The following CNBD1 variants were observed in gnomAD, a reference collection of about 807,000 sequenced individuals.
CNBD1 encodes cyclic nucleotide binding domain containing 1, also known as cyclic nucleotide-binding domain-containing protein 1.
A neutral mutation model predicts 54.4 loss-of-function variants in CNBD1; 71 were observed. The observed-to-expected ratio is 1.30, with a 90% CI of 1.08 to 1.59. The LOEUF is 1.59. Among genes scored for constraint, CNBD1 ranks in the 40% most tolerant of loss-of-function variants. The pLI is 0.00. For synonymous variants in CNBD1, 182 were observed against 170.7 expected (o/e 1.07, Z -0.51); for missense variants, 659 against 518.0 (o/e 1.27, Z -2.64).
intron 2 of CNBD1, among the ~76,000 whole-genome samples, chr8:87,426,274 G>A (rs112458656): frequency 2.5e-4 from 38 of 152,278 alleles, no homozygotes; most frequent in African/African-American, 5.1e-4. Context: ...GAAATCACCC[G>A]TCTTCTGCGT....
At position 87,368,161 on chromosome 8, in the gene CNBD1, A is replaced by AAAAAGAAAAGAAAAGAAAAG. The variant is rs71277938; in HGVS notation, c.1303+14383_1303+14402dup. On this transcript the variant is annotated intron_variant, in intron 10 of 10. Coordinates refer to ENST00000518476, the MANE Select transcript of CNBD1 (RefSeq NM_173538.3). ...TGGGTGACAGAGCGAGATTCCATCTAAAAAGAAAAGAAAAGAAAAGAAAAG... is the reference window on the plus strand; with the variant it reads ...TGGGTGACAGAGCGAGATTCCATCTAAAAAGAAAAGAAAAGAAAAGAAAAGAAAAGAAAAGAAAAGAAAAG... 5.3e-3 allele frequency among the ~76,000 whole-genome samples: 783 copies of AAAAAGAAAAGAAAAGAAAAG among 148,230 alleles called. 11 individuals carry two copies. Among genetic ancestry groups the AAAAAGAAAAGAAAAGAAAAG allele is most frequent in the African/African-American group, 0.018 (729 of 40,270 alleles).
intron 5 of CNBD1, among the ~76,000 whole-genome samples, chr8:87,213,676 C>G (rs558767962): frequency 2.0e-5 from 3 of 152,186 alleles, no homozygotes; most frequent in South Asian, 4.2e-4. Context: ...GGTGGGGACA[C>G]AGTCAAACCA....
intron 2 of CNBD1, among the ~76,000 whole-genome samples, chr8:87,410,411 T>C (rs1169413449): frequency 6.6e-6 from 1 of 152,126 alleles, no homozygotes; most frequent in Non-Finnish European, 1.5e-5. Context: ...AAGAATGTGG[T>C]GATTCATGGG....
chr8:87,416,673 G>A (rs1374478771), intron 2 of CNBD1, among the ~76,000 whole-genome samples: 3 of 152,000 alleles, frequency 2.0e-5, no homozygotes, highest in Non-Finnish European at 4.4e-5. Flanking sequence ...CCAGTACAAA[G>A]CCTTTTTCCC....
rs542241725 is a variant in CNBD1 at position 87,388,178 on chromosome 8, A to G, written c.213+34392A>G. Among the ~76,000 whole-genome samples the G allele has an allele frequency of 6.6e-5, 10 of 152,306 alleles. No individual in the cohort carries two copies. In the East Asian group the frequency reaches 1.5e-3, roughly 24 times the overall value. ...AAAGATCTAAAATTGACACCCTAACATCACAATTAAAAGAACTAGAGAAGC... is the reference window on the plus strand; with the variant it reads ...AAAGATCTAAAATTGACACCCTAACGTCACAATTAAAAGAACTAGAGAAGC... On this transcript the variant is annotated intron_variant, in intron 2 of 7. Transcript: ENST00000521593.
intron 8 of CNBD1, among the ~76,000 whole-genome samples, chr8:87,295,569 A>G (rs1808862998): frequency 6.6e-6 from 1 of 152,108 alleles, no homozygotes; most frequent in South Asian, 2.1e-4. Context: ...CCATGAGTAG[A>G]TGGAGCTTTT....
intron 8 of CNBD1, among the ~76,000 whole-genome samples, chr8:87,307,606 C>T (rs1243183118): frequency 1.3e-5 from 2 of 151,928 alleles, no homozygotes; most frequent in Non-Finnish European, 2.9e-5. Flanking sequence ...GGCATGGAGG[C>T]ACATGCCTAT....
intron 4 of CNBD1, among the ~76,000 whole-genome samples, chr8:87,107,448 A>G (rs1433407042): frequency 6.6e-6 from 1 of 152,224 alleles, no homozygotes; most frequent in African/African-American, 2.4e-5. Context: ...ATCTTAAATA[A>G]GACGTCCTCA....
At chr8:87,080,166 A>T (rs1383358749) in intron 4 of CNBD1, among the ~76,000 whole-genome samples, 5 of 152,226 alleles carry the variant, frequency 3.3e-5, no homozygotes, top group Non-Finnish European at 7.3e-5. Context: ...TCCTTTCATG[A>T]ATACCACATT....
intron 4 of CNBD1, among the ~76,000 whole-genome samples, chr8:87,193,257 G>A (rs576936125): frequency 1.3e-5 from 2 of 152,264 alleles, no homozygotes; most frequent in African/African-American, 4.8e-5. Flanking sequence ...AATATTAAAA[G>A]AATGTGTAAA....
At chr8:87,204,960 C>CT (rs79939722) in intron 4 of CNBD1, among the ~76,000 whole-genome samples, 2,506 of 145,580 alleles carry the variant, frequency 0.017, 78 homozygotes, top group African/African-American at 0.058. Context: ...TATTTTTAAA[C>CT]TTTTTTTTTT....
chr8:87,159,386 C>G (rs1442017086), intron 4 of CNBD1, among the ~76,000 whole-genome samples: 6 of 152,038 alleles, frequency 3.9e-5, no homozygotes, highest in African/African-American at 1.4e-4. Context: ...ATTCTTCTAG[C>G]TCTTATGGAA....
intron 4 of CNBD1, among the ~76,000 whole-genome samples, chr8:87,077,412 C>CTTTTTTTTTTTTTTTT (rs374931620): frequency 7.7e-6 from 1 of 129,592 alleles, no homozygotes; most frequent in African/African-American, 2.9e-5. Context: ...TCTTCTTCTT[C>CTTTTTTTTTTTTTTTT]TTTTTTTTTT....
chr8:87,027,450 T>C (rs1449602266), intron 4 of CNBD1, among the ~76,000 whole-genome samples: 1 of 152,116 alleles, frequency 6.6e-6, no homozygotes, highest in Admixed American at 6.6e-5. Context: ...TTTTATATTT[T>C]TAGTAGAGAT....
At chr8:87,074,720 C>T (rs932552950) in intron 4 of CNBD1, among the ~76,000 whole-genome samples, 1 of 152,080 alleles carries the variant, frequency 6.6e-6, no homozygotes, top group Admixed American at 6.5e-5. Context: ...GACTATCACC[C>T]CACCCTGCTT....
At chr8:87,132,488 G>T (rs1421850619) in intron 4 of CNBD1, among the ~76,000 whole-genome samples, 1 of 150,748 alleles carries the variant, frequency 6.6e-6, no homozygotes, top group African/African-American at 2.4e-5. Flanking sequence ...ACTCTGACAT[G>T]CTTGGACATA....
chr8:87,245,051 A>T (rs1807776391), intron 6 of CNBD1, among the ~76,000 whole-genome samples: 1 of 152,080 alleles, frequency 6.6e-6, no homozygotes. Flanking sequence ...ATAATAATGG[A>T]ATTGGAACTT....
At chr8:87,109,577 C>T (rs867567311) in intron 4 of CNBD1, among the ~76,000 whole-genome samples, 8 of 140,704 alleles carry the variant, frequency 5.7e-5, no homozygotes, top group African/African-American at 1.6e-4. Flanking sequence ...CTCACTCTGT[C>T]GCCCAGGCTG....
intron 10 of CNBD1, among the ~76,000 whole-genome samples, chr8:87,357,326 T>C (rs921110669): frequency 3.3e-5 from 5 of 152,140 alleles, no homozygotes; most frequent in Non-Finnish European, 7.3e-5. Context: ...ACTCTGAGCC[T>C]GGAAAAGCTA....
Sources: allele counts gnomAD v4.1 joint callset (sites outside exome capture counted in the v4.1 genomes callset), GRCh38; gene constraint gnomAD v4.1.1; transcripts MANE v1.5; gene names NCBI Gene and HGNC (gene_info 2026-07-23, HGNC 2026-07-21).